Variants in NOCT observed in about 807,000 individuals in gnomAD.
NOCT encodes nocturnin.
NOCT carries 18 observed loss-of-function variants against 35.0 expected under a neutral mutation model. The ratio of observed to expected loss-of-function variants is 0.51; its 90% CI spans 0.36 to 0.76. The LOEUF is 0.76. Among genes scored for constraint, NOCT ranks in the 30% least tolerant of loss-of-function variants. NOCT has a pLI of 0.01. For synonymous variants in NOCT, 235 were observed against 226.3 expected (o/e 1.04, Z -0.34); for missense variants, 479 against 541.0 (o/e 0.89, Z 1.14).
intron 1 of NOCT, among the ~76,000 whole-genome samples, chr4:139,026,686 G>C (rs1480385642): frequency 6.6e-6 from 1 of 151,784 alleles, no homozygotes; most frequent in Non-Finnish European, 1.5e-5. Context: ...AAGTATCTGG[G>C]ATTACAGGTG....
rs370097308 is a variant in NOCT at position 139,043,055 on chromosome 4, G to C, written c.191-19G>C. The C allele has an allele frequency of 1.2e-4, 197 of 1,576,948 alleles. 1 individual carries two copies. The African/African-American group carries it at 2.3e-3, about 19-fold the overall frequency. ...AGGAAAAGGAGCTGAGTGTGTAACT[G>C]TGATTTCCTTTTCCGTAGTGTGTTC... On this transcript the variant is annotated intron_variant, in intron 1 of 2. Transcript: ENST00000280614.
Position 139,045,080 on chromosome 4 carries a change from G to A in NOCT, c.902G>A (p.Gly301Asp). 2 of 1,614,178 alleles carry A rather than the reference G, an allele frequency of 1.2e-6. No homozygotes were observed. The highest frequency in any genetic ancestry group is 1.7e-6 in the Non-Finnish European group (2 of 1,180,042). Residue 301 changes from glycine to aspartate, a missense_variant, in exon 3 of 3, where the codon GGC becomes GAC. Gly to Asp is a moderately conservative substitution (Grantham distance 94, BLOSUM62 -1). Around this residue, in one of 2 missense-constraint regions of NOCT, gnomAD observed 214 missense variants for 284.0 expected, o/e 0.75. Transcript: ENST00000280614. ...TGGGAGCGGTTTCGATCAGCTCAAGGCTGTGACCTCCTTCAGAACCTGCAA... is the reference window on the plus strand; with the variant it reads ...TGGGAGCGGTTTCGATCAGCTCAAGACTGTGACCTCCTTCAGAACCTGCAA... ...TGWERFRSAQ[G>D]CDLLQNLQNI...
chr4:139,038,927 T>C (rs1726783364), intron 1 of NOCT, among the ~76,000 whole-genome samples: 1 of 147,454 alleles, frequency 6.8e-6, no homozygotes, highest in Non-Finnish European at 1.5e-5. Flanking sequence ...ATATGGCAAA[T>C]TTTTTTTTGA....
intron 1 of NOCT, among the ~76,000 whole-genome samples, chr4:139,016,386 T>G (rs1203327319): frequency 6.6e-6 from 1 of 152,160 alleles, no homozygotes; most frequent in Admixed American, 6.6e-5. Flanking sequence ...TAGTAAGAAC[T>G]GGGAGACTGT....
Position 139,016,063 on chromosome 4 carries a change from C to T in NOCT, c.82C>T (p.Leu28=). Residue 28 remains leucine, a synonymous_variant, in exon 1 of 3, where the codon CTG becomes TTG. Coordinates refer to ENST00000280614, the MANE Select transcript of NOCT (RefSeq NM_012118.4). The part of the protein sequence containing the change: ...PGLRRLPAPG[L]RRPLSPPAAV... ...CCTGCGCCGCCTGCCCGCCCCAGGG[C>T]TGCGCCGCCCGTTGTCCCCGCCGGC... The T allele has an allele frequency of 1.4e-6, 2 of 1,390,932 alleles. No individual in the cohort carries two copies. The highest frequency in any genetic ancestry group is 1.9e-6 in the Non-Finnish European group (2 of 1,070,576). The allele number at this position is 1,390,932 out of a possible 1,614,324, so 86.2% of individuals were successfully genotyped here. A position where few individuals can be genotyped will look rare whatever the true frequency, so the allele number is the denominator to read the frequency against.
In NOCT at chr4:139,032,498, A is replaced by T. The variant is rs566037448; in HGVS notation, c.191-10576A>T. ...AGTGAGATCTCGTCTCTACTTTTTT[A>T]AAAAAAAATTTAATAAAAAAATAAA... On this transcript the variant is annotated intron_variant, in intron 1 of 2. Transcript: ENST00000280614. Among the ~76,000 whole-genome samples the T allele has an allele frequency of 5.2e-4, 79 of 150,526 alleles. 2 individuals are homozygous for T. The highest frequency in any genetic ancestry group is 3.5e-3 in the South Asian group (17 of 4,820).
intron 1 of NOCT, among the ~76,000 whole-genome samples, chr4:139,029,976 C>G (rs535431930): frequency 6.6e-5 from 10 of 152,334 alleles, no homozygotes; most frequent in African/African-American, 2.2e-4. Flanking sequence ...ACTGCAACCT[C>G]TGCCTTCCAG....
rs368349308 is a variant in NOCT, at chr4:139,024,045, CTTTTT to C, written c.190+7891_190+7895del. On this transcript the variant is annotated intron_variant, in intron 1 of 2. Transcript: ENST00000280614. The stretch of plus-strand genomic sequence containing the variant: ...GATCTATCCTCCGTGTCTATTCATC[CTTTTT>C]TTTTTTTTTTTTTTTTAAATTATTT... 5.6e-3 allele frequency among the ~76,000 whole-genome samples: 739 copies of C among 130,962 alleles called. 11 individuals are homozygous for C. The highest frequency in any genetic ancestry group is 6.4e-3 in the Non-Finnish European group (407 of 63,838). The allele number at this position is 130,962 out of a possible 152,430, so 85.9% of individuals were successfully genotyped here.
intron 1 of NOCT, among the ~76,000 whole-genome samples, chr4:139,033,731 A>T (rs78478075): frequency 2.6e-5 from 4 of 151,770 alleles, no homozygotes; most frequent in Admixed American, 2.0e-4. Context: ...GTGAGAAACA[A>T]TGAGACTTGT....
At position 139,022,474 on chromosome 4, in the gene NOCT, C is replaced by G. The variant is rs74859137; in HGVS notation, c.190+6303C>G. Reference sequence around the variant, plus strand: ...CCAGTATATAAAAAAATGCGTGGGTCCCATTCAGATCTTCTGGATTTTAAT... The same window carrying G: ...CCAGTATATAAAAAAATGCGTGGGTGCCATTCAGATCTTCTGGATTTTAAT... On this transcript the variant is annotated intron_variant, in intron 1 of 2. Transcript: ENST00000280614. Among the ~76,000 whole-genome samples, 284 of 152,220 alleles carry G rather than the reference C, an allele frequency of 1.9e-3. 8 individuals carry two copies. In the East Asian group the frequency reaches 0.045, roughly 24 times the overall value.
intron 1 of NOCT, among the ~76,000 whole-genome samples, chr4:139,017,729 A>G (rs1397277440): frequency 5.3e-5 from 8 of 151,582 alleles, no homozygotes; most frequent in Admixed American, 5.3e-4. Context: ...TGGGAGGCGG[A>G]GTGTTGCAGT....
chr4:139,037,868 CAG>C (rs1183129873), intron 1 of NOCT, among the ~76,000 whole-genome samples: 1 of 148,920 alleles, frequency 6.7e-6, no homozygotes, highest in Non-Finnish European at 1.5e-5. Flanking sequence ...AGCCTGGTAA[CAG>C]AGTGAGGCCC....
chr4:139,021,070 CAAAAAAAAAA>C (rs942925444), intron 1 of NOCT, among the ~76,000 whole-genome samples: 5 of 55,646 alleles, frequency 9.0e-5, no homozygotes, highest in African/African-American at 2.4e-4. Flanking sequence ...TACTCTGTCT[CAAAAAAAAAA>C]AAAAAAAAAG....
intron 1 of NOCT, among the ~76,000 whole-genome samples, chr4:139,017,526 G>A (rs1330355472): frequency 7.2e-6 from 1 of 138,938 alleles, no homozygotes; most frequent in East Asian, 2.6e-4. Context: ...CCGCCCCCCC[G>A]GCCTATAAAA....
chr4:139,023,006 C>G lies in NOCT; in HGVS notation c.190+6835C>G, dbSNP rs144695585. ...ATCCCAGCTATTCGGGAGGCTGAGG[C>G]AGGAGAATTGCTTGAACCAGGGAGG... On this transcript the variant is annotated intron_variant, in intron 1 of 2. Coordinates refer to ENST00000280614, the MANE Select transcript of NOCT (RefSeq NM_012118.4). Among the ~76,000 whole-genome samples the G allele has an allele frequency of 8.3e-3, 1,256 of 151,866 alleles. 18 individuals carry two copies. Among genetic ancestry groups the G allele is most frequent in the African/African-American group, 0.026 (1,085 of 41,390 alleles).
chr4:139,035,091 C>T (rs761004058), intron 1 of NOCT, among the ~76,000 whole-genome samples: 12 of 152,066 alleles, frequency 7.9e-5, no homozygotes, highest in Non-Finnish European at 1.0e-4. Flanking sequence ...GTAGTTGGCA[C>T]CTCCATCCTT....
chr4:139,029,240 CTTGT>C (rs1368939314), intron 1 of NOCT, among the ~76,000 whole-genome samples: 1 of 152,240 alleles, frequency 6.6e-6, no homozygotes, highest in Non-Finnish European at 1.5e-5. Flanking sequence ...CCAAGTACCT[CTTGT>C]TTAACTAAAT....
chr4:139,043,878 G>C (rs543743575), intron 2 of NOCT: 7 of 152,536 alleles, frequency 4.6e-5, no homozygotes, highest in African/African-American at 1.7e-4. Context: ...TTGCGCCATT[G>C]CACTGCAGCC....
intron 1 of NOCT, among the ~76,000 whole-genome samples, chr4:139,032,063 C>A (rs1726638133): frequency 6.6e-6 from 1 of 152,184 alleles, no homozygotes; most frequent in East Asian, 1.9e-4. Flanking sequence ...TGGGAGTTTA[C>A]ATACTTGCTA....
Sources: gnomAD v4.1 joint callset for allele counts (sites outside exome capture counted in the v4.1 genomes callset) on GRCh38, gnomAD v4.1.1 for gene constraint, gnomAD v4.1.1 regional missense constraint, MANE v1.5 for transcripts, NCBI Gene and HGNC (gene_info 2026-07-23, HGNC 2026-07-21) for gene names.